SAFB: variants seen among roughly 807,000 people sequenced by gnomAD.
SAFB encodes scaffold attachment factor B1.
SAFB carries 15 observed loss-of-function variants against 101.6 expected under a neutral mutation model. The ratio of observed to expected loss-of-function variants is 0.15; its 90% confidence interval spans 0.10 to 0.23. The LOEUF is 0.23. Among genes scored for constraint, SAFB ranks in the 10% least tolerant of loss-of-function variants. The pLI, the probability that SAFB is intolerant of heterozygous loss-of-function variation, is 1.00. For missense variants in SAFB, 930 were observed against 1,104.1 expected (o/e 0.84, Z 2.23); for synonymous variants, 449 against 407.5 (o/e 1.10, Z -1.23).
At position 5,667,420 on chromosome 19, in the gene SAFB, A is replaced by G; in HGVS notation, c.2527A>G (p.Met843Val). 1 of 1,519,430 alleles carries G rather than the reference A, an allele frequency of 6.6e-7. No individual in the cohort carries two copies. The highest frequency in any genetic ancestry group is 8.8e-7 in the Non-Finnish European group (1 of 1,138,940). The allele number at this position is 1,519,430 out of a possible 1,614,324, so 94.1% of individuals were successfully genotyped here. The change falls in exon 19 of 21, where the codon ATG (methionine) becomes GTG (valine). Residue 843 changes from methionine (M) to valine (V), a missense_variant. Coordinates refer to ENST00000588852, the MANE Select transcript of SAFB (RefSeq NM_001201338.2). This position sits in a 1 kb window ranked among gnomAD's most constrained non-coding sequence, Gnocchi z 4.0. ...RSWQGTADGG[M>V]MDRDHKRWQG... ...ATGGCAGGGCACGGCCGACGGGGGC[A>G]TGATGGACAGGGATCACAAGAGGTG...
chr19:5,629,416 TGA>T (rs1308693362), intron 2 of SAFB, among the ~76,000 whole-genome samples: 1 of 151,504 alleles, frequency 6.6e-6, no homozygotes, highest in African/African-American at 2.4e-5. Context: ...GGGCACAGAG[TGA>T]GAGGGGGAAA....
chr19:5,665,638 A>G (rs539374577), intron 17 of SAFB: 18 of 152,286 alleles, frequency 1.2e-4, no homozygotes, highest in African/African-American at 4.3e-4. Context: ...CCTGGCCACC[A>G]GCTGCTTTCA....
At chr19:5,642,155 C>T (rs547462224) in intron 4 of SAFB, 6 of 632,766 alleles carry the variant, frequency 9.5e-6, no homozygotes, top group Non-Finnish European at 1.5e-5. Flanking sequence ...TATCCATTTG[C>T]GGCATACAGT....
At chr19:5,628,157 A>G (rs2053408999) in intron 2 of SAFB, among the ~76,000 whole-genome samples, 1 of 152,094 alleles carries the variant, frequency 6.6e-6, no homozygotes, top group Admixed American at 6.5e-5. Context: ...AGGCTGAGGC[A>G]GGAGAATTGC....
chr19:5,642,270 G>A (rs1217785672), intron 4 of SAFB, among the ~76,000 whole-genome samples: 2 of 152,224 alleles, frequency 1.3e-5, no homozygotes, highest in Non-Finnish European at 2.9e-5. Flanking sequence ...GAAGAGGTTA[G>A]AAGTTGGTGT....
chr19:5,624,238 T>C lies in SAFB; in HGVS notation c.189+844T>C, dbSNP rs556206749. Among the ~76,000 whole-genome samples the C allele has an allele frequency of 8.9e-3, 1,334 of 150,012 alleles. 11 individuals are homozygous for C. The highest frequency in any genetic ancestry group is 0.012 in the Non-Finnish European group (843 of 67,532). On this transcript the variant is annotated intron_variant, in intron 1 of 20. Transcript: ENST00000588852. The stretch of plus-strand genomic sequence containing the variant: ...CTTTTCTATTCTTTTTTTTTTTTTT[T>C]CTCCTGTAAGAAGCAAAAAAGCAAT...
At chr19:5,666,933 A>T in intron 17 of SAFB, 113 bp from the exon 18 acceptor site, 2 of 787,892 alleles carry the variant, frequency 2.5e-6, no homozygotes, top group Non-Finnish European at 4.6e-6. Context: ...GCCTGCCAGC[A>T]CTTCTGTCCC....
At chr19:5,647,780 G>C (rs2053855985) in intron 5 of SAFB, among the ~76,000 whole-genome samples, 1 of 152,214 alleles carries the variant, frequency 6.6e-6, no homozygotes, top group South Asian at 2.1e-4. Context: ...GCCTCACCAT[G>C]AAGTGAGACC....
intron 15 of SAFB, among the ~76,000 whole-genome samples, chr19:5,662,018 G>A (rs1377880930): frequency 6.6e-6 from 1 of 152,050 alleles, no homozygotes; most frequent in Non-Finnish European, 1.5e-5. Flanking sequence ...CCGAGTAGCT[G>A]GGACTACAGG....
At chr19:5,626,264 G>GTCGACGT in intron 1 of SAFB, 141 bp from the exon 2 acceptor site, 1 of 554,622 alleles carries the variant, frequency 1.8e-6, no homozygotes, top group Non-Finnish European at 3.3e-6. Flanking sequence ...CAGATGAGTG[G>GTCGACGT]ATGGGCCACA....
intron 5 of SAFB, 62 bp downstream of exon 5, chr19:5,645,461 C>A: frequency 1.3e-6 from 1 of 790,148 alleles, no homozygotes. Flanking sequence ...TTCTGGAATC[C>A]ATTTCAGACA....
At chr19:5,630,028 T>C (rs1377854097) in intron 2 of SAFB, among the ~76,000 whole-genome samples, 3 of 151,926 alleles carry the variant, frequency 2.0e-5, no homozygotes, top group Non-Finnish European at 4.4e-5. Context: ...GGCGACAGAG[T>C]GAGGCTGTCT....
Position 5,653,365 on chromosome 19 carries a change from A to G in SAFB, c.1471A>G (p.Thr491Ala), listed in dbSNP as rs1188708838. The change falls in exon 11 of 21, where the codon ACC (threonine) becomes GCC (alanine). Residue 491 changes from threonine to alanine, a missense_variant. Coordinates refer to ENST00000588852, the MANE Select transcript of SAFB (RefSeq NM_001201338.2). ...KAKNEPVGKK[T>A]SDKRDSDGKK... ...CAAAAATGAACCTGTGGGAAAGAAA[A>G]CCTCTGACAAAAGAGACAGTGACGG... is the stretch of plus-strand genomic sequence containing the variant. 1 of 1,614,094 alleles carries G rather than the reference A, an allele frequency of 6.2e-7. No individual in the cohort carries two copies.
At chr19:5,626,925 T>A (rs2053377725) in intron 2 of SAFB, among the ~76,000 whole-genome samples, 1 of 151,956 alleles carries the variant, frequency 6.6e-6, no homozygotes, top group Non-Finnish European at 1.5e-5. Flanking sequence ...GCATCTGTGG[T>A]CCCAGCTGCT....
At chr19:5,637,392 G>A (rs2053618008) in intron 2 of SAFB, among the ~76,000 whole-genome samples, 1 of 150,918 alleles carries the variant, frequency 6.6e-6, no homozygotes, top group Admixed American at 6.6e-5. Context: ...GGTGACTCGT[G>A]CCTGTAATCC....
chr19:5,654,820 GC>G (rs2054018243), intron 13 of SAFB, among the ~76,000 whole-genome samples: 1 of 152,198 alleles, frequency 6.6e-6, no homozygotes, highest in Admixed American at 6.5e-5. Flanking sequence ...GCCCGCCTCG[GC>G]CTCCCAAAAG....
At chr19:5,653,958 C>G in intron 11 of SAFB, 103 bp from the exon 12 acceptor site, 1 of 1,042,492 alleles carries the variant, frequency 9.6e-7, no homozygotes, top group Non-Finnish European at 1.4e-6. Flanking sequence ...CCAGGCTGGT[C>G]TCGAACTCCC....
At chr19:5,644,814 G>A (rs2053792370) in intron 4 of SAFB, among the ~76,000 whole-genome samples, 1 of 152,226 alleles carries the variant, frequency 6.6e-6, no homozygotes, top group Non-Finnish European at 1.5e-5. Flanking sequence ...TCCCCTGCAA[G>A]TAGGGCATAG....
At chr19:5,627,976 C>G (rs551532068) in intron 2 of SAFB, among the ~76,000 whole-genome samples, 2 of 152,134 alleles carry the variant, frequency 1.3e-5, no homozygotes, top group Non-Finnish European at 2.9e-5. Flanking sequence ...TGAGGCAGGG[C>G]GCCGTGGCTC....
Sources: gnomAD v4.1 joint callset for allele counts (sites outside exome capture counted in the v4.1 genomes callset) on GRCh38, gnomAD v4.1.1 for gene constraint, Gnocchi (gnomAD v3.1) non-coding constraint, MANE v1.5 for transcripts, NCBI Gene and HGNC (gene_info 2026-07-23, HGNC 2026-07-21) for gene names.